Variants in KCNIP4 observed in about 807,000 individuals in gnomAD.
The protein encoded by KCNIP4 is Kv channel-interacting protein 4.
In KCNIP4, 12 loss-of-function variants were observed where a neutral mutation model predicts 34.0. That is an observed-to-expected ratio of 0.35 (90% CI 0.23 to 0.57). The LOEUF (loss-of-function observed/expected upper bound fraction) is 0.57, where lower values mean the gene tolerates loss of function less well. Among genes scored for constraint, KCNIP4 ranks in the 20% least tolerant of loss-of-function variants. The probability of loss-of-function intolerance (pLI) is 0.83; values close to 1 mark genes in which losing one functional copy is unlikely to be tolerated. For synonymous variants in KCNIP4, 124 were observed against 102.2 expected, an observed-to-expected ratio of 1.21 and a Z score of -1.29; for missense variants, 238 against 311.7, an observed-to-expected ratio of 0.76 and a Z score of 1.78.
chr4:21,937,889 C>T (rs751300878), intron 1 of KCNIP4, among the ~76,000 whole-genome samples: 8 of 152,204 alleles, frequency 5.3e-5, no homozygotes, highest in African/African-American at 1.4e-4. Flanking sequence ...CCATTGACTA[C>T]GTCACCAGTT....
intron 1 of KCNIP4, among the ~76,000 whole-genome samples, chr4:21,082,804 A>G (rs1437326217): frequency 6.6e-6 from 1 of 151,806 alleles, no homozygotes; most frequent in African/African-American, 2.4e-5. Flanking sequence ...TGTACTTAAT[A>G]CTTTTGAGGA....
At chr4:21,268,618 T>C (rs1761959133) in intron 1 of KCNIP4, among the ~76,000 whole-genome samples, 1 of 152,218 alleles carries the variant, frequency 6.6e-6, no homozygotes, top group South Asian at 2.1e-4. Flanking sequence ...AGTGTTGCTT[T>C]CTGCTTCAAC....
chr4:21,116,464 T>C (rs892298834), intron 1 of KCNIP4, among the ~76,000 whole-genome samples: 5 of 152,212 alleles, frequency 3.3e-5, no homozygotes, highest in Non-Finnish European at 7.3e-5. Flanking sequence ...TACAACTTCC[T>C]GTCTCTTGTT....
At chr4:20,777,017 T>C (rs1452487790) in intron 3 of KCNIP4, among the ~76,000 whole-genome samples, 1 of 152,150 alleles carries the variant, frequency 6.6e-6, no homozygotes, top group Non-Finnish European at 1.5e-5. Context: ...AAACCTAATC[T>C]CCATTATGAT....
chr4:21,213,528 T>C (rs1453810221), intron 1 of KCNIP4, among the ~76,000 whole-genome samples: 1 of 151,982 alleles, frequency 6.6e-6, no homozygotes, highest in Non-Finnish European at 1.5e-5. Context: ...TCTCGAACTC[T>C]TGACCTCAGG....
chr4:21,946,920 G>A (rs927116448), intron 1 of KCNIP4, among the ~76,000 whole-genome samples: 1 of 152,132 alleles, frequency 6.6e-6, no homozygotes, highest in Non-Finnish European at 1.5e-5. Flanking sequence ...CCCATTTATA[G>A]TGATTATGGC....
chr4:21,780,216 G>T (rs998464651), intron 1 of KCNIP4, among the ~76,000 whole-genome samples: 2 of 152,132 alleles, frequency 1.3e-5, no homozygotes, highest in South Asian at 2.1e-4. Flanking sequence ...GAGGATGTGT[G>T]GAATCTGATG....
At chr4:21,818,145 G>T (rs528315218) in intron 1 of KCNIP4, among the ~76,000 whole-genome samples, 15 of 152,248 alleles carry the variant, frequency 9.9e-5, no homozygotes, top group African/African-American at 2.9e-4. Flanking sequence ...ACCCCCAGCA[G>T]CCCAGCTGTA....
chr4:21,382,873 C>G (rs1020277406), intron 1 of KCNIP4, among the ~76,000 whole-genome samples: 1 of 152,192 alleles, frequency 6.6e-6, no homozygotes, highest in African/African-American at 2.4e-5. Context: ...GTTCCAGATA[C>G]TGTGTATACA....
chr4:21,912,549 T>C (rs188614738), intron 1 of KCNIP4, among the ~76,000 whole-genome samples: 23 of 152,094 alleles, frequency 1.5e-4, no homozygotes, highest in African/African-American at 5.1e-4. Flanking sequence ...GATAAAGAAA[T>C]ACAATATACT....
intron 1 of KCNIP4, among the ~76,000 whole-genome samples, chr4:21,174,923 A>G (rs1451275649): frequency 6.6e-6 from 1 of 151,998 alleles, no homozygotes; most frequent in East Asian, 1.9e-4. Context: ...AAAGAAAAAA[A>G]AAGCATTAGT....
chr4:21,174,586 T>C (rs545600223), intron 1 of KCNIP4, among the ~76,000 whole-genome samples: 3 of 152,162 alleles, frequency 2.0e-5, no homozygotes, highest in Non-Finnish European at 4.4e-5. Context: ...ACTTGACATT[T>C]GTATAATATT....
chr4:21,542,074 T>C (rs1737748474), intron 1 of KCNIP4, among the ~76,000 whole-genome samples: 2 of 152,352 alleles, frequency 1.3e-5, no homozygotes, highest in East Asian at 3.9e-4. Context: ...TGGACATTTT[T>C]AGAATGCAGC....
At chr4:21,714,049 C>T (rs577426830) in intron 1 of KCNIP4, among the ~76,000 whole-genome samples, 17 of 152,090 alleles carry the variant, frequency 1.1e-4, no homozygotes, top group Non-Finnish European at 2.2e-4. Context: ...TGTGTAAATA[C>T]ATCATCAGAT....
intron 1 of KCNIP4, among the ~76,000 whole-genome samples, chr4:21,443,319 G>A (rs1727655596): frequency 6.6e-6 from 1 of 152,126 alleles, no homozygotes; most frequent in Non-Finnish European, 1.5e-5. Context: ...CTCCCTCTGT[G>A]TGAATGTACT....
At chr4:21,377,248 G>A (rs34050105) in intron 1 of KCNIP4, among the ~76,000 whole-genome samples, 23 of 152,242 alleles carry the variant, frequency 1.5e-4, no homozygotes, top group South Asian at 4.1e-4. Context: ...AGCTTCCATG[G>A]TAACCCTGCT....
intron 1 of KCNIP4, among the ~76,000 whole-genome samples, chr4:21,534,699 G>A (rs1737005630): frequency 6.6e-6 from 1 of 152,124 alleles, no homozygotes; most frequent in African/African-American, 2.4e-5. Context: ...GCTGCTGAAT[G>A]ACTGCCTGTA....
intron 1 of KCNIP4, among the ~76,000 whole-genome samples, chr4:21,227,670 AAAAAC>A (rs57503395): frequency 7.9e-5 from 12 of 151,630 alleles, no homozygotes; most frequent in East Asian, 7.8e-4. Flanking sequence ...TCCGCAGTTA[AAAAAC>A]AAAACAAAAC....
chr4:21,004,746 A>T (rs981757550), intron 1 of KCNIP4, among the ~76,000 whole-genome samples: 1 of 152,176 alleles, frequency 6.6e-6, no homozygotes, highest in African/African-American at 2.4e-5. Flanking sequence ...AAGTGACTTC[A>T]TTTTTGCAAT....
Sources: gnomAD v4.1 joint callset for allele counts (sites outside exome capture counted in the v4.1 genomes callset) on GRCh38, gnomAD v4.1.1 for gene constraint, MANE v1.5 for transcripts, NCBI Gene and HGNC (gene_info 2026-07-23, HGNC 2026-07-21) for gene names.